ACYP2: variants seen among roughly 807,000 people sequenced by gnomAD.
The protein encoded by ACYP2 is acylphosphatase 2, also known as acylphosphatase-2.
A neutral mutation model predicts 11.2 loss-of-function variants in ACYP2; 12 were observed. The ratio of observed to expected loss-of-function variants is 1.08; its 90% CI spans 0.69 to 1.74. The LOEUF (loss-of-function observed/expected upper bound fraction) is 1.74. Among genes scored for constraint, ACYP2 ranks in the 40% most tolerant of loss-of-function variants. ACYP2 has a pLI of 0.00. For synonymous variants in ACYP2, 43 were observed against 32.2 expected, an observed-to-expected ratio of 1.33 and a Z score of -1.13; for missense variants, 134 against 101.9, an observed-to-expected ratio of 1.31 and a Z score of -1.35.
intron 6 of ACYP2, among the ~76,000 whole-genome samples, chr2:54,275,733 T>A (rs2104098149): frequency 6.6e-6 from 1 of 152,330 alleles, no homozygotes; most frequent in East Asian, 1.9e-4. Context: ...TAATCTAACA[T>A]ATTAAGTGAA....
At chr2:54,025,580 G>A (rs527644119) in intron 2 of ACYP2, among the ~76,000 whole-genome samples, 1 of 152,262 alleles carries the variant, frequency 6.6e-6, no homozygotes, top group Non-Finnish European at 1.5e-5. Flanking sequence ...ATCAACTCAA[G>A]ATGGATCAAA....
chr2:54,194,842 C>T (rs923522371), intron 6 of ACYP2, among the ~76,000 whole-genome samples: 1 of 152,108 alleles, frequency 6.6e-6, no homozygotes, highest in Non-Finnish European at 1.5e-5. Context: ...ATGCTATCCA[C>T]ATAGTAGGCT....
At chr2:54,188,359 T>C (rs1684099731) in intron 6 of ACYP2, among the ~76,000 whole-genome samples, 1 of 152,198 alleles carries the variant, frequency 6.6e-6, no homozygotes, top group Non-Finnish European at 1.5e-5. Flanking sequence ...AAATATTTTT[T>C]CCATATCTCA....
chr2:54,106,211 C>A (rs10176406), intron 4 of ACYP2, among the ~76,000 whole-genome samples: 29,705 of 151,946 alleles, frequency 0.2, 3,864 homozygotes, highest in African/African-American at 0.37. Flanking sequence ...CTATTATCAA[C>A]CTTTTAAAGG....
At chr2:53,996,123 A>G (rs533634177) in intron 2 of ACYP2, among the ~76,000 whole-genome samples, 1 of 152,120 alleles carries the variant, frequency 6.6e-6, no homozygotes, top group Non-Finnish European at 1.5e-5. Context: ...AACAAGAGCG[A>G]AACTCTGTCC....
intron 2 of ACYP2, among the ~76,000 whole-genome samples, chr2:54,006,621 G>A (rs1054503779): frequency 6.6e-6 from 1 of 152,064 alleles, no homozygotes; most frequent in Admixed American, 6.6e-5. Context: ...GTTCTTCTTA[G>A]ATTTGTTTAT....
intron 6 of ACYP2, among the ~76,000 whole-genome samples, chr2:54,294,677 G>A (rs1689446419): frequency 6.6e-6 from 1 of 152,016 alleles, no homozygotes; most frequent in Non-Finnish European, 1.5e-5. Context: ...TTGGGAGGCT[G>A]AGGTGTGAGA....
intron 6 of ACYP2, among the ~76,000 whole-genome samples, chr2:54,235,941 A>G (rs189209244): frequency 7.2e-4 from 109 of 152,128 alleles, no homozygotes; most frequent in African/African-American, 2.5e-3. Context: ...GTATTTCTTC[A>G]TTATTCTCCA....
intron 2 of ACYP2, among the ~76,000 whole-genome samples, chr2:54,036,029 C>A (rs1674880016): frequency 1.3e-5 from 2 of 152,122 alleles, no homozygotes; most frequent in African/African-American, 4.8e-5. Context: ...ACAAAACTGG[C>A]AGTACCTCTC....
chr2:54,165,445 GGTCT>G (rs549674366), intron 6 of ACYP2, among the ~76,000 whole-genome samples: 77 of 151,132 alleles, frequency 5.1e-4, no homozygotes, highest in African/African-American at 1.5e-3. Context: ...GAGGTCATCT[GGTCT>G]GTCTGTCTGT....
chr2:53,989,488 G>A (rs1350135704), intron 2 of ACYP2, among the ~76,000 whole-genome samples: 3 of 152,010 alleles, frequency 2.0e-5, no homozygotes, highest in African/African-American at 7.3e-5. Context: ...TGTGTATTTA[G>A]GGTACTTATC....
At chr2:54,023,919 G>C (rs964337825) in intron 2 of ACYP2, among the ~76,000 whole-genome samples, 2 of 152,084 alleles carry the variant, frequency 1.3e-5, no homozygotes, top group African/African-American at 4.8e-5. Context: ...AAGATAAAGA[G>C]GGAATCCTTC....
intron 6 of ACYP2, among the ~76,000 whole-genome samples, chr2:54,155,628 A>G (rs1682396797): frequency 6.6e-6 from 1 of 152,230 alleles, no homozygotes; most frequent in Non-Finnish European, 1.5e-5. Context: ...GAGGTGGAAC[A>G]GTTTCATCCT....
chr2:54,119,220 CTT>C (rs1276566937), intron 4 of ACYP2, among the ~76,000 whole-genome samples: 3 of 151,616 alleles, frequency 2.0e-5, no homozygotes. Flanking sequence ...GCCCAGCTAA[CTT>C]TTTAATTTTT....
intron 2 of ACYP2, among the ~76,000 whole-genome samples, chr2:53,996,102 C>A (rs1672559688): frequency 6.6e-6 from 1 of 151,798 alleles, no homozygotes; most frequent in Non-Finnish European, 1.5e-5. Context: ...CCACTGCACT[C>A]CAGCCCGGGC....
At chr2:54,252,078 G>A (rs548952047) in intron 6 of ACYP2, among the ~76,000 whole-genome samples, 2 of 152,304 alleles carry the variant, frequency 1.3e-5, no homozygotes, top group South Asian at 2.1e-4. Context: ...TCTCAGACCC[G>A]TCACTGTCCT....
Position 54,265,599 on chromosome 2 carries a change from C to T in ACYP2, c.405-39089C>T, listed in dbSNP as rs145768442. Among the ~76,000 whole-genome samples, 203 of 152,276 alleles carry T rather than the reference C, an allele frequency of 1.3e-3. 1 individual carries two copies. The highest frequency in any genetic ancestry group is 6.8e-3 in the Middle Eastern group (2 of 294). On this transcript the variant is annotated intron_variant, in intron 6 of 6. Transcript: ENST00000607452. ...GTGGCCTATTATGACTTTGGGCAAA[C>T]GCTTAACCTCTTTGAGCCTGAGTTT...
intron 6 of ACYP2, among the ~76,000 whole-genome samples, chr2:54,155,331 T>A (rs1682380747): frequency 6.6e-6 from 1 of 152,230 alleles, no homozygotes; most frequent in Non-Finnish European, 1.5e-5. Flanking sequence ...TTTTTCCTTC[T>A]GCTACATTTA....
At chr2:54,184,508 T>C (rs894075472) in intron 6 of ACYP2, among the ~76,000 whole-genome samples, 1 of 151,310 alleles carries the variant, frequency 6.6e-6, no homozygotes, top group Non-Finnish European at 1.5e-5. Context: ...TAGTTTAAAC[T>C]AAAAAAAGAG....
Sources: gnomAD v4.1 joint callset for allele counts (sites outside exome capture counted in the v4.1 genomes callset) on GRCh38, gnomAD v4.1.1 for gene constraint, MANE v1.5 for transcripts, NCBI Gene and HGNC (gene_info 2026-07-23, HGNC 2026-07-21) for gene names.